PARD3: variants seen among roughly 807,000 people sequenced by gnomAD.
PARD3 encodes the protein par-3 family cell polarity regulator.
A neutral mutation model predicts 155.4 loss-of-function variants in PARD3; 75 were observed. That is an observed-to-expected ratio of 0.48 (90% confidence interval 0.40 to 0.58). The LOEUF (loss-of-function observed/expected upper bound fraction) is 0.58, where lower values mean the gene tolerates loss of function less well. PARD3 is among the 20% of genes least tolerant of loss of function. PARD3 has a pLI of 0.00. For synonymous variants in PARD3, 576 were observed against 610.5 expected, an observed-to-expected ratio of 0.94 and a Z score of 0.83; for missense variants, 1,642 against 1,721.7, an observed-to-expected ratio of 0.95 and a Z score of 0.82.
chr10:34,234,486 T>C (rs564714949), intron 22 of PARD3, among the ~76,000 whole-genome samples: 23 of 152,306 alleles, frequency 1.5e-4, no homozygotes, highest in African/African-American at 5.5e-4. Context: ...TTCTGGCCCA[T>C]GCTAAACATC....
chr10:34,124,985 G>T (rs2132718631), intron 23 of PARD3, among the ~76,000 whole-genome samples: 1 of 152,258 alleles, frequency 6.6e-6, no homozygotes, highest in Non-Finnish European at 1.5e-5. Context: ...GCAGAATAAA[G>T]TGCTGACTTT....
At chr10:34,795,940 T>A (rs186650571) in intron 1 of PARD3, among the ~76,000 whole-genome samples, 1 of 151,588 alleles carries the variant, frequency 6.6e-6, no homozygotes, top group African/African-American at 2.4e-5. Flanking sequence ...AATTAAAAAG[T>A]CAACTCTTAT....
At chr10:34,199,903 C>A (rs1252782195) in intron 22 of PARD3, among the ~76,000 whole-genome samples, 2 of 152,078 alleles carry the variant, frequency 1.3e-5, no homozygotes, top group Non-Finnish European at 2.9e-5. Context: ...CCCAAAAAAA[C>A]AGAATACCAC....
chr10:34,530,925 A>C (rs1252573995), intron 2 of PARD3, among the ~76,000 whole-genome samples: 2 of 152,210 alleles, frequency 1.3e-5, no homozygotes, highest in Non-Finnish European at 2.9e-5. Flanking sequence ...TCAATATCAA[A>C]AGAACTTTAA....
At chr10:34,639,426 A>C (rs1396409731) in intron 2 of PARD3, among the ~76,000 whole-genome samples, 5 of 152,218 alleles carry the variant, frequency 3.3e-5, no homozygotes, top group Non-Finnish European at 5.9e-5. Context: ...AGGAAAAAAA[A>C]CACGTTTTTA....
At chr10:34,506,644 G>A (rs1796581310) in intron 3 of PARD3, among the ~76,000 whole-genome samples, 1 of 152,142 alleles carries the variant, frequency 6.6e-6, no homozygotes. Context: ...CCACCGAGGT[G>A]ATCACTTACA....
intron 5 of PARD3, among the ~76,000 whole-genome samples, chr10:34,403,134 T>A (rs190843227): frequency 1.3e-3 from 192 of 152,332 alleles, no homozygotes; most frequent in Middle Eastern, 6.8e-3. Context: ...ATCTCTGTGG[T>A]AATATGTTCC....
chr10:34,476,985 T>C (rs2078751559), intron 3 of PARD3, among the ~76,000 whole-genome samples: 1 of 152,272 alleles, frequency 6.6e-6, no homozygotes, highest in East Asian at 1.9e-4. Context: ...ACCTAAAAGG[T>C]TCCCCACCTC....
intron 1 of PARD3, among the ~76,000 whole-genome samples, chr10:34,707,063 T>C (rs761255345): frequency 6.6e-6 from 1 of 151,922 alleles, no homozygotes; most frequent in African/African-American, 2.4e-5. Context: ...CTGGCCAACA[T>C]GGTGAAACCC....
chr10:34,722,154 C>A (rs2094618514), intron 1 of PARD3, among the ~76,000 whole-genome samples: 1 of 152,130 alleles, frequency 6.6e-6, no homozygotes, highest in Non-Finnish European at 1.5e-5. Flanking sequence ...GATGGTGCCA[C>A]TGCACTCCAG....
chr10:34,414,119 G>A (rs1210945368), intron 5 of PARD3, among the ~76,000 whole-genome samples: 2 of 151,624 alleles, frequency 1.3e-5, no homozygotes, highest in Non-Finnish European at 2.9e-5. Context: ...GATCACTTGA[G>A]CCCCAGAGGT....
chr10:34,653,415 C>T (rs1003203606), intron 2 of PARD3, among the ~76,000 whole-genome samples: 3 of 152,066 alleles, frequency 2.0e-5, no homozygotes, highest in Non-Finnish European at 2.9e-5. Context: ...AGGTTCATCA[C>T]GTTTAAGCAC....
At chr10:34,670,196 T>C (rs539646806) in intron 2 of PARD3, among the ~76,000 whole-genome samples, 2 of 152,372 alleles carry the variant, frequency 1.3e-5, no homozygotes, top group African/African-American at 4.8e-5. Context: ...CCCAACTCCA[T>C]GCACACGCAC....
intron 20 of PARD3, among the ~76,000 whole-genome samples, chr10:34,293,091 T>C (rs1956751365): frequency 6.6e-6 from 1 of 152,078 alleles, no homozygotes. Context: ...GACTCAAATA[T>C]AAAGATTTAA....
chr10:34,664,792 CCTTTTT>C (rs2093409547), intron 2 of PARD3, among the ~76,000 whole-genome samples: 2 of 152,124 alleles, frequency 1.3e-5, no homozygotes, highest in Non-Finnish European at 2.9e-5. Flanking sequence ...GGCCCAGAAA[CCTTTTT>C]CTTAGTCAAA....
chr10:34,786,124 A>G (rs936086522), intron 1 of PARD3, among the ~76,000 whole-genome samples: 13 of 152,250 alleles, frequency 8.5e-5, no homozygotes, highest in African/African-American at 3.1e-4. Context: ...ACGAAATCAC[A>G]TATGAAATAC....
intron 3 of PARD3, among the ~76,000 whole-genome samples, chr10:34,485,239 G>A (rs1338077125): frequency 6.6e-6 from 1 of 152,020 alleles, no homozygotes; most frequent in Non-Finnish European, 1.5e-5. Flanking sequence ...TCGGGAGGCT[G>A]AGGCACAAGA....
intron 22 of PARD3, among the ~76,000 whole-genome samples, chr10:34,194,072 TCC>T (rs1950833702): frequency 6.6e-6 from 1 of 151,970 alleles, no homozygotes; most frequent in South Asian, 2.1e-4. Flanking sequence ...GGCAGGGAGC[TCC>T]CCCACCCAAG....
intron 2 of PARD3, among the ~76,000 whole-genome samples, chr10:34,614,448 AG>A (rs2091118511): frequency 6.6e-6 from 1 of 152,240 alleles, no homozygotes. Flanking sequence ...GTCCTATTCT[AG>A]GGTAACAAGG....
Sources: gnomAD v4.1 joint callset for allele counts (sites outside exome capture counted in the v4.1 genomes callset) on GRCh38, gnomAD v4.1.1 for gene constraint, MANE v1.5 for transcripts, NCBI Gene and HGNC (gene_info 2026-07-23, HGNC 2026-07-21) for gene names.